The following CSMD2 variants were observed in gnomAD, a reference collection of about 807,000 sequenced individuals.
CSMD2 encodes the protein CUB and sushi domain-containing protein 2.
In CSMD2, 130 loss-of-function variants were observed where a neutral mutation model predicts 398.5. The observed-to-expected ratio is 0.33, with a 90% CI of 0.28 to 0.38. The LOEUF is 0.38. Among genes scored for constraint, CSMD2 ranks in the 10% least tolerant of loss-of-function variants. CSMD2 has a pLI of 1.00. For missense variants in CSMD2, 3,829 were observed against 4,764.9 expected (o/e 0.80, Z 5.78); for synonymous variants, 1,828 against 1,908.5 (o/e 0.96, Z 1.10).
At chr1:33,579,439 G>A (rs1452123265) in intron 48 of CSMD2, among the ~76,000 whole-genome samples, 1 of 152,062 alleles carries the variant, frequency 6.6e-6, no homozygotes, top group Non-Finnish European at 1.5e-5. Context: ...GGAGAGGTTG[G>A]ATGGACTTTG....
intron 44 of CSMD2, among the ~76,000 whole-genome samples, chr1:33,588,709 T>C (rs2148756861): frequency 6.6e-6 from 1 of 152,328 alleles, no homozygotes; most frequent in East Asian, 1.9e-4. Flanking sequence ...GTGCATTGCA[T>C]ACTGTACCAT....
chr1:33,673,358 T>A (rs1171237285), intron 25 of CSMD2, among the ~76,000 whole-genome samples: 2 of 152,178 alleles, frequency 1.3e-5, no homozygotes, highest in African/African-American at 4.8e-5. Flanking sequence ...AGAAAGGGTA[T>A]CAGCGATGGA....
intron 9 of CSMD2, among the ~76,000 whole-genome samples, chr1:33,818,326 C>T (rs1391166358): frequency 6.6e-6 from 1 of 152,224 alleles, no homozygotes; most frequent in Non-Finnish European, 1.5e-5. Context: ...GTACCTGCTA[C>T]ATGCCACGCC....
At position 33,698,879 on chromosome 1, in the gene CSMD2, C is replaced by T. The variant is rs1201469448; in HGVS notation, c.3799G>A (p.Gly1267Ser). 4.3e-6 allele frequency: 7 copies of T among 1,614,084 alleles called. No homozygotes were observed. The highest frequency in any genetic ancestry group is 5.1e-6 in the Non-Finnish European group (6 of 1,180,042). Reference protein sequence around the residue: ...PKFGYKVHDEGHFAGSSVSFS... With the variant: ...PKFGYKVHDESHFAGSSVSFS... ...GACACGGAGCTCCCTGCAAAATGAC[C>T]TTCATCATGAACCTTGTAGCCAAAC... is the stretch of plus-strand genomic sequence containing the variant. The change falls in exon 24 of 71, where the codon GGT (glycine) becomes AGT (serine). Residue 1267 changes from glycine (G) to serine (S), a missense_variant. Gly to Ser is a moderately conservative substitution (Grantham distance 56). Around this residue, in one of 5 missense-constraint regions of CSMD2, gnomAD observed 2,001 missense variants for 2,567.1 expected, o/e 0.78. Coordinates refer to ENST00000373381, the MANE Select transcript of CSMD2 (RefSeq NM_001281956.2).
At chr1:33,938,495 T>G (rs528517732) in intron 3 of CSMD2, among the ~76,000 whole-genome samples, 1 of 151,536 alleles carries the variant, frequency 6.6e-6, no homozygotes, top group East Asian at 2.0e-4. Flanking sequence ...CATGATCCCC[T>G]GCTGCTGGTT....
chr1:33,898,468 C>A (rs987944967), intron 5 of CSMD2, among the ~76,000 whole-genome samples: 8 of 152,146 alleles, frequency 5.3e-5, no homozygotes, highest in African/African-American at 1.9e-4. Context: ...GCCCTTTTGC[C>A]TAATTGGATC....
At chr1:33,720,760 C>T (rs539134535) in intron 19 of CSMD2, among the ~76,000 whole-genome samples, 35 of 152,272 alleles carry the variant, frequency 2.3e-4, no homozygotes, top group South Asian at 1.4e-3. Context: ...TGCAATGGCA[C>T]GATCTCGGCT....
At chr1:34,064,986 G>A (rs1342850318) in intron 2 of CSMD2, among the ~76,000 whole-genome samples, 1 of 152,124 alleles carries the variant, frequency 6.6e-6, no homozygotes, top group Non-Finnish European at 1.5e-5. Context: ...TGATATAAGG[G>A]AAACCACCCC....
At chr1:33,549,944 C>T (rs995615934) in intron 56 of CSMD2, among the ~76,000 whole-genome samples, 2 of 152,192 alleles carry the variant, frequency 1.3e-5, no homozygotes, top group East Asian at 1.9e-4. Flanking sequence ...GTTTTGCAAT[C>T]CCTGGGCATG....
chr1:33,763,394 T>G (rs1206188320), intron 13 of CSMD2, among the ~76,000 whole-genome samples: 1 of 152,190 alleles, frequency 6.6e-6, no homozygotes, highest in African/African-American at 2.4e-5. Flanking sequence ...CCTACTGAAT[T>G]GGAATTTTGG....
At chr1:34,159,315 G>A (rs1320674206) in intron 1 of CSMD2, among the ~76,000 whole-genome samples, 1 of 141,872 alleles carries the variant, frequency 7.0e-6, no homozygotes, top group African/African-American at 2.7e-5. Flanking sequence ...AACCAAGAAT[G>A]ACTTTACAGC....
At chr1:33,538,380 G>T (rs1656003245) in intron 60 of CSMD2, among the ~76,000 whole-genome samples, 1 of 152,140 alleles carries the variant, frequency 6.6e-6, no homozygotes, top group South Asian at 2.1e-4. Flanking sequence ...TTAACATCAG[G>T]CAGTGCCATT....
At chr1:33,937,493 C>G (rs1346336106) in intron 3 of CSMD2, among the ~76,000 whole-genome samples, 1 of 152,114 alleles carries the variant, frequency 6.6e-6, no homozygotes. Flanking sequence ...CTCTAAATGG[C>G]CCCCCTAGTC....
At chr1:33,720,949 C>T (rs1379895152) in intron 19 of CSMD2, among the ~76,000 whole-genome samples, 1 of 152,186 alleles carries the variant, frequency 6.6e-6, no homozygotes, top group Non-Finnish European at 1.5e-5. Context: ...GATCTGCCTG[C>T]CTTGACACCC....
chr1:33,913,239 C>T (rs1643552944), intron 5 of CSMD2, among the ~76,000 whole-genome samples: 1 of 152,190 alleles, frequency 6.6e-6, no homozygotes, highest in African/African-American at 2.4e-5. Flanking sequence ...TCACTGTCCC[C>T]TCTTCTAACT....
chr1:33,541,183 A>G lies in CSMD2; in HGVS notation c.9404T>C (p.Val3135Ala). 6.2e-7 allele frequency: 1 copy of G among 1,614,144 alleles called. No individual in the cohort carries two copies. Among genetic ancestry groups the G allele is most frequent in the Non-Finnish European group, 8.5e-7 (1 of 1,180,032 alleles). The change falls in exon 59 of 71, where the codon GTG becomes GCG. Residue 3135 changes from valine to alanine, a missense_variant. Physicochemically the swap from Val to Ala is moderately conservative, Grantham distance 64. Transcript: ENST00000373381. ...TGTCCGGTCCTTGGTGCAGCTCAGCACAGATACTCTATGTGACTCCATCAT... is the reference window on the plus strand; with the variant it reads ...TGTCCGGTCCTTGGTGCAGCTCAGCGCAGATACTCTATGTGACTCCATCAT... ...GYMMESHRVS[V>A]LSCTKDRTWN...
intron 1 of CSMD2, among the ~76,000 whole-genome samples, chr1:34,115,516 G>A (rs1661523918): frequency 6.6e-6 from 1 of 152,058 alleles, no homozygotes. Flanking sequence ...CCTTCAAAAT[G>A]AAGGAGAAAT....
intron 62 of CSMD2, among the ~76,000 whole-genome samples, chr1:33,536,145 T>C (rs1014793672): frequency 6.6e-6 from 1 of 152,204 alleles, no homozygotes; most frequent in African/African-American, 2.4e-5. Flanking sequence ...CATGTCCAGG[T>C]GAGTCCGATA....
At chr1:33,930,459 C>T (rs1279299901) in intron 4 of CSMD2, among the ~76,000 whole-genome samples, 2 of 152,324 alleles carry the variant, frequency 1.3e-5, no homozygotes, top group Non-Finnish European at 2.9e-5. Flanking sequence ...GCTTGCAGTC[C>T]AAGCTTCTGC....
Sources: allele counts gnomAD v4.1 joint callset (sites outside exome capture counted in the v4.1 genomes callset), GRCh38; gene constraint gnomAD v4.1.1; regional missense constraint gnomAD v4.1.1; transcripts MANE v1.5; gene names NCBI Gene and HGNC (gene_info 2026-07-23, HGNC 2026-07-21).